DNAAF1: variants seen among roughly 807,000 people sequenced by gnomAD.
DNAAF1 encodes the protein dynein assembly factor 1, axonemal.
DNAAF1 carries 65 observed loss-of-function variants against 71.1 expected under a neutral mutation model. That is an observed-to-expected ratio of 0.91 (90% CI 0.75 to 1.12). The LOEUF is 1.12. Ranked by LOEUF, DNAAF1 falls within the 50% of genes most tolerant of loss-of-function variation. The probability of loss-of-function intolerance (pLI) is 0.00; values close to 1 mark genes in which losing one functional copy is unlikely to be tolerated. For synonymous variants in DNAAF1, 414 were observed against 354.6 expected (o/e 1.17, Z -1.88); for missense variants, 1,178 against 899.8 (o/e 1.31, Z -3.96).
intron 9 of DNAAF1, 120 bp from the exon 10 acceptor site, chr16:84,174,549 A>G: frequency 4.4e-6 from 7 of 1,587,656 alleles, no homozygotes; most frequent in African/African-American, 1.3e-5. Flanking sequence ...GAGTCACCTG[A>G]GTGATTTGAG....
chr16:84,176,593 G>T, intron 11 of DNAAF1: 1 of 503,214 alleles, frequency 2.0e-6, no homozygotes, highest in Non-Finnish European at 3.6e-6. Flanking sequence ...AGATCTCCTG[G>T]GGCGGGGGCC....
rs1445932998 is a variant in DNAAF1, at chr16:84,175,421, TCA to T, written c.1699-511_1699-510del. The T allele has an allele frequency of 8.8e-5, 16 of 182,822 alleles. No individual in the cohort carries two copies. The East Asian group carries it at 1.1e-3, about 13-fold the overall frequency. 11.3% of individuals were successfully genotyped at this position (182,822 alleles called of 1,614,324 possible). On this transcript the variant is annotated intron_variant, in intron 10 of 11. Transcript: ENST00000378553. ...CTGTGAGGCACAATGGGGAATTCTCTCAGAGTGACGTGACCCTACTCCACCCA... is the reference window on the plus strand; with the variant it reads ...CTGTGAGGCACAATGGGGAATTCTCTGAGTGACGTGACCCTACTCCACCCA...
chr16:84,160,644 G>C (rs1460160554), intron 6 of DNAAF1, among the ~76,000 whole-genome samples: 2 of 152,152 alleles, frequency 1.3e-5, no homozygotes, highest in Admixed American at 6.6e-5. Flanking sequence ...AGCCAGGTAA[G>C]AAAACCAGGG....
In DNAAF1 at chr16:84,147,761, A is replaced by C. The variant is rs534427550; in HGVS notation, c.125-1246A>C. ...TTAATTAAAGAAATAAGCCCCCCCC[A>C]AAAAAAAAATAAAAATAAATAAGGG... On this transcript the variant is annotated intron_variant, in intron 1 of 11. Coordinates refer to ENST00000378553, the MANE Select transcript of DNAAF1 (RefSeq NM_178452.6). Among the ~76,000 whole-genome samples the C allele has an allele frequency of 4.9e-4, 72 of 147,412 alleles. 1 individual carries two copies. In the South Asian group the frequency reaches 8.5e-3, roughly 17 times the overall value.
chr16:84,166,309 T>C (rs1054935338), intron 7 of DNAAF1, among the ~76,000 whole-genome samples: 11 of 151,928 alleles, frequency 7.2e-5, no homozygotes, highest in Non-Finnish European at 1.6e-4. Flanking sequence ...TGCCTTGGCT[T>C]CCCAAAGTGC....
chr16:84,157,153 A>C (rs1040276495), intron 5 of DNAAF1, among the ~76,000 whole-genome samples: 1 of 152,092 alleles, frequency 6.6e-6, no homozygotes, highest in African/African-American at 2.4e-5. Flanking sequence ...CAGTATCATT[A>C]TGAACGCATA....
rs141149453 is a variant in DNAAF1 at position 84,172,347 on chromosome 16, T to C, written c.1616T>C (p.Leu539Pro). The change falls in exon 9 of 12, where the codon CTG becomes CCG. Residue 539 changes from leucine (L) to proline (P), a missense_variant. Leu to Pro is a moderately conservative substitution (Grantham distance 98). Transcript: ENST00000378553. Reference sequence around the variant, plus strand: ...ACGGAAGATTTAGAAACCATTAGACTGGAGACAAAGGAGACATTCTGCATT... The same window carrying C: ...ACGGAAGATTTAGAAACCATTAGACCGGAGACAAAGGAGACATTCTGCATT... ...TRTEDLETIR[L>P]ETKETFCIDD... 1,259 of 1,614,210 alleles carry C rather than the reference T, an allele frequency of 7.8e-4. 10 individuals are homozygous for C. The African/African-American group carries it at 0.015, about 19-fold the overall frequency.
chr16:84,166,370 C>CTTTTTTTTTT (rs535417461), intron 7 of DNAAF1, among the ~76,000 whole-genome samples: 12 of 118,798 alleles, frequency 1.0e-4, no homozygotes, highest in Admixed American at 1.7e-4. Flanking sequence ...TTCTTTTTTT[C>CTTTTTTTTTT]TTTTTTTTTT....
intron 9 of DNAAF1, chr16:84,173,307 G>T (rs1042147191): frequency 6.8e-6 from 5 of 734,246 alleles, no homozygotes; most frequent in Non-Finnish European, 8.3e-6. Flanking sequence ...ACTAAAAATA[G>T]AAAAAAATTA....
chr16:84,161,418 C>G (rs936339744), intron 6 of DNAAF1, among the ~76,000 whole-genome samples: 46 of 152,178 alleles, frequency 3.0e-4, no homozygotes, highest in Admixed American at 2.6e-3. Context: ...CGGGGTTGCA[C>G]TCTGTCACCC....
Position 84,174,696 on chromosome 16 carries a change from G to T in DNAAF1, c.1672G>T (p.Glu558Ter). Reference sequence around the variant, plus strand: ...CCTACCTGACTTGGAAGATGATGATGAAACAGGCAAATCTCTGGAAGACCA... The same window carrying T: ...CCTACCTGACTTGGAAGATGATGATTAAACAGGCAAATCTCTGGAAGACCA... Reference protein sequence around the residue: ...DDLPDLEDDDETGKSLEDQNM... With the variant: ...DDLPDLEDDD Residue 558 changes from glutamate to a stop codon, truncating the protein, a stop_gained, in exon 10 of 12, where the codon GAA becomes TAA. Coordinates refer to ENST00000378553, the MANE Select transcript of DNAAF1 (RefSeq NM_178452.6). LOFTEE classifies it high-confidence loss of function. 1 of 1,614,188 alleles carries T rather than the reference G, an allele frequency of 6.2e-7. No homozygotes were observed. Among genetic ancestry groups the T allele is most frequent in the Non-Finnish European group, 8.5e-7 (1 of 1,180,028 alleles).
chr16:84,174,982 A>C (rs766240307), intron 10 of DNAAF1: 11 of 425,306 alleles, frequency 2.6e-5, no homozygotes, highest in African/African-American at 1.0e-4. Flanking sequence ...CAGCCTCCCA[A>C]GTAGCTGGGA....
At chr16:84,176,328 G>A (rs2088655093) in intron 11 of DNAAF1, 29 bp downstream of exon 11, 1 of 1,612,538 alleles carries the variant, frequency 6.2e-7, no homozygotes, top group Non-Finnish European at 8.5e-7. Context: ...GAGCACAGTG[G>A]AGACAATGTT....
At chr16:84,162,644 C>T (rs1197219389) in intron 6 of DNAAF1, among the ~76,000 whole-genome samples, 1 of 151,954 alleles carries the variant, frequency 6.6e-6, no homozygotes, top group Non-Finnish European at 1.5e-5. Context: ...CACGGTGAAA[C>T]CTCATCTCTA....
At chr16:84,169,828 C>T in intron 7 of DNAAF1, 31 bp from the exon 8 acceptor site, 1 of 1,612,758 alleles carries the variant, frequency 6.2e-7, no homozygotes, top group Admixed American at 1.7e-5. Flanking sequence ...CAGGACACTC[C>T]CACATTCACC....
chr16:84,172,576 A>C, intron 9 of DNAAF1: 1 of 1,414,300 alleles, frequency 7.1e-7, no homozygotes, highest in Non-Finnish European at 9.2e-7. Context: ...ACTTTCATGC[A>C]CTGCCCTAGG....
rs1398644001 is a variant in DNAAF1, at chr16:84,168,569, C to T, written c.1031-1290C>T. Among the ~76,000 whole-genome samples the T allele has an allele frequency of 3.3e-5, 5 of 152,180 alleles. No individual in the cohort carries two copies. The East Asian group carries it at 7.7e-4, about 23-fold the overall frequency. On this transcript the variant is annotated intron_variant, in intron 7 of 11. Coordinates refer to ENST00000378553, the MANE Select transcript of DNAAF1 (RefSeq NM_178452.6). Reference sequence around the variant, plus strand: ...CTGGGATTACAGACGTGAGCCACTGCACCTGGCCACACATACATTTTTATA... The same window carrying T: ...CTGGGATTACAGACGTGAGCCACTGTACCTGGCCACACATACATTTTTATA...
chr16:84,155,472 C>G (rs1296770481), intron 4 of DNAAF1, 111 bp from the exon 5 acceptor site: 36 of 1,239,238 alleles, frequency 2.9e-5, no homozygotes, highest in Non-Finnish European at 3.9e-5. Context: ...TCGAAAGATT[C>G]TCCCGCTTTA....
intron 1 of DNAAF1, among the ~76,000 whole-genome samples, chr16:84,148,495 G>A (rs1020986372): frequency 6.6e-6 from 1 of 150,760 alleles, no homozygotes; most frequent in Non-Finnish European, 1.5e-5. Flanking sequence ...ACCTGTACAA[G>A]AGTTTTTATA....
Sources: gnomAD v4.1 joint callset for allele counts (sites outside exome capture counted in the v4.1 genomes callset) on GRCh38, gnomAD v4.1.1 for gene constraint, MANE v1.5 for transcripts, NCBI Gene and HGNC (gene_info 2026-07-23, HGNC 2026-07-21) for gene names.